Variants in CEP68 observed in about 807,000 individuals in gnomAD.
CEP68 encodes the protein centrosomal protein of 68 kDa.
A neutral mutation model predicts 55.3 loss-of-function variants in CEP68; 26 were observed. The observed-to-expected ratio is 0.47, with a 90% CI of 0.34 to 0.65. CEP68 has a LOEUF of 0.65. Ranked by LOEUF, CEP68 falls within the 30% of genes least tolerant of loss-of-function variation. The pLI, the probability that CEP68 is intolerant of heterozygous loss-of-function variation, is 0.01. For missense variants in CEP68, 957 were observed against 946.7 expected, an observed-to-expected ratio of 1.01 and a Z score of -0.14; for synonymous variants, 402 against 383.2, an observed-to-expected ratio of 1.05 and a Z score of -0.57.
At chr2:65,056,953 C>T (rs1191316188) in intron 1 of CEP68, among the ~76,000 whole-genome samples, 1 of 152,212 alleles carries the variant, frequency 6.6e-6, no homozygotes, top group Non-Finnish European at 1.5e-5. Context: ...CCCAGCTCCC[C>T]AGTCGGGGCT....
At chr2:65,079,912 T>C (rs1157347275) in intron 5 of CEP68, among the ~76,000 whole-genome samples, 1 of 152,182 alleles carries the variant, frequency 6.6e-6, no homozygotes. Context: ...GGTGGGCAGA[T>C]CACCTGAGAT....
chr2:65,071,437 C>T lies in CEP68; in HGVS notation c.358-17C>T, dbSNP rs1207590383. 6.3e-7 allele frequency: 1 copy of T among 1,598,948 alleles called. No individual in the cohort carries two copies. The highest frequency in any genetic ancestry group is 1.3e-5 in the African/African-American group (1 of 74,292). On this transcript the variant is annotated splice_polypyrimidine_tract_variant and intron_variant, in intron 2 of 6. Transcript: ENST00000377990. ...TGATTTTTACCCAAGTGCTTTTTGT[C>T]CCTTTGATCATTGCAGGTGGAGAAG... is the stretch of plus-strand genomic sequence containing the variant.
At chr2:65,061,815 G>A (rs956397540) in intron 1 of CEP68, among the ~76,000 whole-genome samples, 3 of 152,176 alleles carry the variant, frequency 2.0e-5, no homozygotes, top group Non-Finnish European at 4.4e-5. Flanking sequence ...CTTCCCCTAC[G>A]TGTCTTTACC....
intron 1 of CEP68, among the ~76,000 whole-genome samples, chr2:65,062,968 C>A (rs757236008): frequency 2.6e-5 from 4 of 152,208 alleles, no homozygotes; most frequent in Non-Finnish European, 4.4e-5. Context: ...AGTTCCCAGT[C>A]CTCCTCTCTC....
chr2:65,057,117 C>T (rs989296404), intron 1 of CEP68, among the ~76,000 whole-genome samples: 11 of 152,246 alleles, frequency 7.2e-5, no homozygotes, highest in Admixed American at 7.2e-4. Context: ...CAGTTCTCAG[C>T]AGCCTGGGGA....
At chr2:65,069,061 C>T (rs1226539403) in intron 1 of CEP68, among the ~76,000 whole-genome samples, 2 of 152,134 alleles carry the variant, frequency 1.3e-5, no homozygotes, top group Non-Finnish European at 2.9e-5. Context: ...AGGCCTCTTA[C>T]CCAGTGGGGT....
At position 65,072,543 on chromosome 2, in the gene CEP68, C is replaced by T; in HGVS notation, c.1447C>T (p.Leu483Phe). ...EEEVESDDEY[L>F]ALPARLTQVS... is the part of the protein sequence containing the mutation. ...GGAAGTGGAAAGTGATGACGAGTAT[C>T]TTGCCCTCCCCGCTCGGCTGACACA... The change falls in exon 3 of 7, where the codon CTT (leucine) becomes TTT (phenylalanine). Residue 483 changes from leucine (L) to phenylalanine (F), a missense_variant. Physicochemically the swap from Leu to Phe is conservative, Grantham distance 22. Coordinates refer to ENST00000377990, the MANE Select transcript of CEP68 (RefSeq NM_015147.3). 1.2e-6 allele frequency: 2 copies of T among 1,614,072 alleles called. No homozygotes were observed. The highest frequency in any genetic ancestry group is 1.1e-5 in the South Asian group (1 of 91,084).
At chr2:65,056,614 C>G (rs1675601899) in intron 1 of CEP68, 86 bp downstream of exon 1, 1 of 152,044 alleles carries the variant, frequency 6.6e-6, no homozygotes, top group African/African-American at 2.4e-5. Flanking sequence ...GCGCGCGCGC[C>G]CGGCCCCCTC....
intron 4 of CEP68, chr2:65,074,859 A>G (rs1055222330): frequency 7.8e-6 from 2 of 256,538 alleles, no homozygotes; most frequent in Non-Finnish European, 1.5e-5. Flanking sequence ...CAGGGATTAT[A>G]AATACAGACT....
chr2:65,067,421 T>C (rs1485325828), intron 1 of CEP68, among the ~76,000 whole-genome samples: 1 of 151,894 alleles, frequency 6.6e-6, no homozygotes, highest in African/African-American at 2.4e-5. Flanking sequence ...AACATAGATA[T>C]TTGCATCAGG....
chr2:65,065,017 T>C (rs1205167985), intron 1 of CEP68, among the ~76,000 whole-genome samples: 3 of 152,228 alleles, frequency 2.0e-5, no homozygotes, highest in Non-Finnish European at 4.4e-5. Context: ...TGATCACTTA[T>C]TCCCCAGTTG....
chr2:65,076,901 C>T (rs1009745793), intron 4 of CEP68, among the ~76,000 whole-genome samples: 4 of 151,770 alleles, frequency 2.6e-5, no homozygotes, highest in African/African-American at 9.7e-5. Flanking sequence ...TAGTGAGACC[C>T]TGTCTCTATT....
intron 1 of CEP68, among the ~76,000 whole-genome samples, chr2:65,064,553 T>C (rs1676065382): frequency 1.3e-5 from 2 of 151,970 alleles, no homozygotes; most frequent in South Asian, 4.2e-4. Context: ...GCTAATGTGG[T>C]GAAACCCCAT....
chr2:65,080,389 G>T, intron 5 of CEP68: 1 of 985,272 alleles, frequency 1.0e-6, no homozygotes, highest in Non-Finnish European at 1.2e-6. Flanking sequence ...TCTCCAGCGG[G>T]TGCAAAACTT....
intron 1 of CEP68, among the ~76,000 whole-genome samples, chr2:65,065,939 A>G (rs1431370016): frequency 6.6e-6 from 1 of 151,140 alleles, no homozygotes; most frequent in African/African-American, 2.4e-5. Context: ...CTAGGTGACA[A>G]ACCGAGACTT....
At chr2:65,069,865 T>G in intron 2 of CEP68, 64 bp downstream of exon 2, 1 of 1,365,740 alleles carries the variant, frequency 7.3e-7, no homozygotes, top group Non-Finnish European at 1.0e-6. Flanking sequence ...GTTCAGGATT[T>G]CCTCACCATC....
At chr2:65,079,994 G>A (rs1487534928) in intron 5 of CEP68, among the ~76,000 whole-genome samples, 7 of 152,088 alleles carry the variant, frequency 4.6e-5, no homozygotes, top group Non-Finnish European at 8.8e-5. Context: ...TTAGCTGGGC[G>A]TGGTGGGGAG....
intron 1 of CEP68, among the ~76,000 whole-genome samples, chr2:65,062,458 G>A (rs775449225): frequency 1.3e-5 from 2 of 150,982 alleles, no homozygotes; most frequent in South Asian, 2.1e-4. Flanking sequence ...GCTTGAACCC[G>A]GGAGGCAGAG....
chr2:65,079,800 G>C (rs1013165410), intron 5 of CEP68, among the ~76,000 whole-genome samples: 10 of 152,198 alleles, frequency 6.6e-5, no homozygotes, highest in African/African-American at 2.4e-4. Context: ...GAGGTGCAGA[G>C]GCCTGAGCGG....
Sources: allele counts gnomAD v4.1 joint callset (sites outside exome capture counted in the v4.1 genomes callset), GRCh38; gene constraint gnomAD v4.1.1; transcripts MANE v1.5; gene names NCBI Gene and HGNC (gene_info 2026-07-23, HGNC 2026-07-21).